PTPRE: variants seen among roughly 807,000 people sequenced by gnomAD.
PTPRE encodes protein tyrosine phosphatase receptor type E.
PTPRE carries 51 observed loss-of-function variants against 102.0 expected under a neutral mutation model. That is an observed-to-expected ratio of 0.50 (90% CI 0.40 to 0.63). The LOEUF (loss-of-function observed/expected upper bound fraction) is 0.63, where lower values mean the gene tolerates loss of function less well. PTPRE is among the 30% of genes least tolerant of loss of function. The probability of loss-of-function intolerance (pLI) is 0.00; values close to 1 mark genes in which losing one functional copy is unlikely to be tolerated. For synonymous variants in PTPRE, 345 were observed against 348.2 expected, an observed-to-expected ratio of 0.99 and a Z score of 0.10; for missense variants, 752 against 915.1, an observed-to-expected ratio of 0.82 and a Z score of 2.30.
intron 1 of PTPRE, among the ~76,000 whole-genome samples, chr10:127,926,915 A>G (rs1847061288): frequency 1.4e-5 from 2 of 147,412 alleles, no homozygotes; most frequent in African/African-American, 5.0e-5. Context: ...AGGTTCAAGC[A>G]ATTCTCCTGC....
chr10:127,940,344 G>C (rs1264353678), intron 1 of PTPRE, among the ~76,000 whole-genome samples: 1 of 152,132 alleles, frequency 6.6e-6, no homozygotes, highest in Non-Finnish European at 1.5e-5. Flanking sequence ...GGTTCTACCA[G>C]AGCCCAGCCA....
chr10:127,966,934 T>G (rs1028705852), intron 1 of PTPRE, among the ~76,000 whole-genome samples: 1 of 152,196 alleles, frequency 6.6e-6, no homozygotes, highest in Non-Finnish European at 1.5e-5. Flanking sequence ...AAAAAATGAT[T>G]AAAATCAGAA....
intron 2 of PTPRE, among the ~76,000 whole-genome samples, chr10:128,020,890 CT>C (rs1376651201): frequency 1.5e-4 from 22 of 147,880 alleles, no homozygotes; most frequent in East Asian, 9.9e-4. Context: ...GGTACAGTGT[CT>C]TTTTTTTTTC....
chr10:128,075,040 T>G (rs1851112324), intron 17 of PTPRE, among the ~76,000 whole-genome samples: 1 of 152,232 alleles, frequency 6.6e-6, no homozygotes, highest in Non-Finnish European at 1.5e-5. Flanking sequence ...TTTACTTGTG[T>G]TTGAACTTTA....
At chr10:128,076,999 G>A (rs562259125) in intron 18 of PTPRE, among the ~76,000 whole-genome samples, 1 of 152,286 alleles carries the variant, frequency 6.6e-6, no homozygotes, top group African/African-American at 2.4e-5. Flanking sequence ...GACTAATGAA[G>A]CCACAGGGGC....
At chr10:128,003,715 C>T (rs1292880544) in intron 2 of PTPRE, among the ~76,000 whole-genome samples, 1 of 152,074 alleles carries the variant, frequency 6.6e-6, no homozygotes, top group African/African-American at 2.4e-5. Flanking sequence ...TAAATGTTGC[C>T]GTGCAACTTC....
intron 2 of PTPRE, among the ~76,000 whole-genome samples, chr10:128,035,509 G>A (rs1028946312): frequency 2.6e-5 from 4 of 152,130 alleles, no homozygotes; most frequent in Non-Finnish European, 5.9e-5. Flanking sequence ...CCATTCCAGG[G>A]GCTCTCTTTA....
chr10:128,039,153 T>C (rs1355299360), intron 2 of PTPRE, among the ~76,000 whole-genome samples: 1 of 152,206 alleles, frequency 6.6e-6, no homozygotes, highest in Non-Finnish European at 1.5e-5. Flanking sequence ...ATATTAAAAG[T>C]ATTGTGGCAG....
intron 6 of PTPRE, among the ~76,000 whole-genome samples, chr10:128,055,434 G>A (rs1258843305): frequency 2.6e-5 from 4 of 152,194 alleles, no homozygotes; most frequent in Non-Finnish European, 5.9e-5. Context: ...CTGGGACAAA[G>A]GAGTTGGTTA....
intron 6 of PTPRE, among the ~76,000 whole-genome samples, chr10:128,050,329 G>A (rs1285133012): frequency 9.3e-6 from 1 of 107,930 alleles, no homozygotes; most frequent in Non-Finnish European, 2.0e-5. Flanking sequence ...GAGTGGGAGG[G>A]CGGATGGATG....
chr10:128,036,110 C>T (rs1247328815), intron 2 of PTPRE, among the ~76,000 whole-genome samples: 3 of 150,886 alleles, frequency 2.0e-5, no homozygotes, highest in Admixed American at 6.6e-5. Context: ...TCAGGAAAAT[C>T]CCTTTCCTAC....
intron 3 of PTPRE, among the ~76,000 whole-genome samples, chr10:128,046,754 A>G (rs1290034338): frequency 2.0e-5 from 3 of 152,228 alleles, no homozygotes; most frequent in Non-Finnish European, 4.4e-5. Flanking sequence ...CTGAGCAGCA[A>G]CAAAGCCACT....
intron 1 of PTPRE, among the ~76,000 whole-genome samples, chr10:127,960,964 T>C (rs1397755534): frequency 6.7e-6 from 1 of 149,472 alleles, no homozygotes; most frequent in Non-Finnish European, 1.5e-5. Context: ...GAGCTTGCAA[T>C]GAGCTGAGAT....
At chr10:127,990,910 G>A (rs2135505703) in intron 2 of PTPRE, among the ~76,000 whole-genome samples, 1 of 152,314 alleles carries the variant, frequency 6.6e-6, no homozygotes, top group South Asian at 2.1e-4. Context: ...GAAAAGCTGA[G>A]AATCCGTGGG....
At chr10:127,948,156 G>T (rs1490446760) in intron 1 of PTPRE, among the ~76,000 whole-genome samples, 7 of 152,212 alleles carry the variant, frequency 4.6e-5, no homozygotes, top group Non-Finnish European at 1.5e-5. Context: ...GGGGAAGGGT[G>T]AGCCTAGGCT....
intron 1 of PTPRE, among the ~76,000 whole-genome samples, chr10:127,966,569 G>T (rs531354314): frequency 1.3e-5 from 2 of 152,266 alleles, no homozygotes; most frequent in Non-Finnish European, 2.9e-5. Flanking sequence ...GGACTGAGGG[G>T]TTTGCTGGGA....
At chr10:127,990,837 A>G (rs1852572560) in intron 2 of PTPRE, among the ~76,000 whole-genome samples, 1 of 152,240 alleles carries the variant, frequency 6.6e-6, no homozygotes, top group Non-Finnish European at 1.5e-5. Context: ...CATTTTATTA[A>G]TGGAAAATTT....
chr10:128,007,164 C>T (rs1854640736), intron 2 of PTPRE, among the ~76,000 whole-genome samples: 1 of 152,068 alleles, frequency 6.6e-6, no homozygotes, highest in African/African-American at 2.4e-5. Context: ...TTCTGTGGCT[C>T]TACATTGATA....
chr10:127,910,412 T>C (rs1387876710), intron 1 of PTPRE, among the ~76,000 whole-genome samples: 1 of 152,224 alleles, frequency 6.6e-6, no homozygotes, highest in Non-Finnish European at 1.5e-5. Context: ...TCTCTTACTC[T>C]TGGTTCCATA....
Sources: allele counts gnomAD v4.1 joint callset (sites outside exome capture counted in the v4.1 genomes callset), GRCh38; gene constraint gnomAD v4.1.1; transcripts MANE v1.5; gene names NCBI Gene and HGNC (gene_info 2026-07-23, HGNC 2026-07-21).